Variants in LRRC4C observed in about 807,000 individuals in gnomAD.
The protein encoded by LRRC4C is leucine rich repeat containing 4C.
LRRC4C carries 5 observed loss-of-function variants against 33.6 expected under a neutral mutation model. The observed-to-expected ratio is 0.15, with a 90% confidence interval of 0.08 to 0.31. The LOEUF is 0.31. Among genes scored for constraint, LRRC4C ranks in the 10% least tolerant of loss-of-function variants. The probability of loss-of-function intolerance (pLI) is 1.00; values close to 1 mark genes in which losing one functional copy is unlikely to be tolerated. For synonymous variants in LRRC4C, 329 were observed against 302.0 expected (o/e 1.09, Z -0.93); for missense variants, 560 against 796.7 (o/e 0.70, Z 3.58).
At chr11:40,552,954 G>A (rs1417439882) in intron 3 of LRRC4C, among the ~76,000 whole-genome samples, 3 of 152,110 alleles carry the variant, frequency 2.0e-5, no homozygotes, top group Non-Finnish European at 2.9e-5. Flanking sequence ...CTGAAAATTT[G>A]TTATGCATAT....
intron 5 of LRRC4C, among the ~76,000 whole-genome samples, chr11:40,239,601 C>T (rs543809581): frequency 1.3e-5 from 2 of 152,248 alleles, no homozygotes; most frequent in East Asian, 1.9e-4. Flanking sequence ...TGTAAAGAGA[C>T]AAAAACCAAC....
chr11:41,323,543 C>G (rs1409618536), intron 1 of LRRC4C, among the ~76,000 whole-genome samples: 1 of 152,156 alleles, frequency 6.6e-6, no homozygotes, highest in Non-Finnish European at 1.5e-5. Context: ...TTCCTTTCTT[C>G]CAAATCTGAA....
At chr11:41,291,660 G>T (rs1404263399) in intron 1 of LRRC4C, among the ~76,000 whole-genome samples, 2 of 152,058 alleles carry the variant, frequency 1.3e-5, no homozygotes, top group Non-Finnish European at 2.9e-5. Context: ...CTATACAAAG[G>T]TTCTCCCTAC....
intron 2 of LRRC4C, among the ~76,000 whole-genome samples, chr11:40,811,528 C>A (rs1283234765): frequency 6.6e-6 from 1 of 152,056 alleles, no homozygotes; most frequent in Non-Finnish European, 1.5e-5. Context: ...GATGGATTCT[C>A]TCTCTGTCAG....
chr11:40,610,203 C>T (rs576584157), intron 3 of LRRC4C, among the ~76,000 whole-genome samples: 5 of 151,958 alleles, frequency 3.3e-5, no homozygotes, highest in African/African-American at 9.6e-5. Context: ...GGAATTTTCT[C>T]CTGGAGTACC....
intron 1 of LRRC4C, among the ~76,000 whole-genome samples, chr11:41,014,538 C>A (rs1471650680): frequency 3.4e-5 from 5 of 149,192 alleles, no homozygotes; most frequent in African/African-American, 1.2e-4. Flanking sequence ...TTATTGGATA[C>A]CATGATGTTG....
rs779352891 is a variant in LRRC4C, at chr11:40,336,263, G to GT, written c.-269-16543dup. Among the ~76,000 whole-genome samples, 21 of 152,246 alleles carry GT rather than the reference G, an allele frequency of 1.4e-4. No individual in the cohort carries two copies. The South Asian group carries it at 3.9e-3, about 29-fold the overall frequency. On this transcript the variant is annotated intron_variant, in intron 3 of 6. Coordinates refer to ENST00000528697, the MANE Select transcript of LRRC4C (RefSeq NM_001258419.2). ...ACAGACCGCGGAACTGCATATCCCA[G>GT]TTTTTTCTATGGTGATGTTTGTCCA...
intron 1 of LRRC4C, among the ~76,000 whole-genome samples, chr11:41,101,902 T>C (rs1941210586): frequency 6.6e-6 from 1 of 152,030 alleles, no homozygotes; most frequent in African/African-American, 2.4e-5. Flanking sequence ...AATAGTTCAT[T>C]TTCTCACTTG....
chr11:40,443,260 A>G (rs1289172525), intron 3 of LRRC4C, among the ~76,000 whole-genome samples: 2 of 152,212 alleles, frequency 1.3e-5, no homozygotes, highest in Non-Finnish European at 2.9e-5. Flanking sequence ...GTTGGGAAAG[A>G]CAACACAACT....
chr11:41,089,923 G>A (rs1156729876), intron 1 of LRRC4C, among the ~76,000 whole-genome samples: 1 of 151,836 alleles, frequency 6.6e-6, no homozygotes, highest in Non-Finnish European at 1.5e-5. Context: ...AGTGATCACT[G>A]GGAATTGAAA....
intron 1 of LRRC4C, among the ~76,000 whole-genome samples, chr11:40,977,862 T>C (rs954199887): frequency 1.3e-5 from 2 of 152,190 alleles, no homozygotes; most frequent in African/African-American, 4.8e-5. Flanking sequence ...CAGAATGTCT[T>C]GGGATTCTGA....
At chr11:40,635,896 C>T (rs1171825827) in intron 3 of LRRC4C, among the ~76,000 whole-genome samples, 1 of 152,000 alleles carries the variant, frequency 6.6e-6, no homozygotes, top group Non-Finnish European at 1.5e-5. Context: ...GCCTCGGCCT[C>T]CCAAAGTGCT....
chr11:40,625,153 A>G (rs1962809568), intron 3 of LRRC4C, among the ~76,000 whole-genome samples: 1 of 152,138 alleles, frequency 6.6e-6, no homozygotes, highest in African/African-American at 2.4e-5. Context: ...TGCCATAGCT[A>G]AGATTTTAAC....
At chr11:40,633,371 T>TTTCTTTCTTTCTCTCTC (rs1963658770) in intron 3 of LRRC4C, among the ~76,000 whole-genome samples, 2 of 96,308 alleles carry the variant, frequency 2.1e-5, no homozygotes, top group Non-Finnish European at 4.3e-5. Context: ...CTTTCTTTCT[T>TTTCTTTCTTTCTCTCTC]TCTCTCTCTT....
intron 5 of LRRC4C, among the ~76,000 whole-genome samples, chr11:40,193,409 C>T (rs1328161320): frequency 2.0e-5 from 3 of 152,180 alleles, no homozygotes; most frequent in Non-Finnish European, 4.4e-5. Context: ...ATAGTATCAA[C>T]ATCAACAAAA....
intron 3 of LRRC4C, among the ~76,000 whole-genome samples, chr11:40,393,792 T>C (rs1949430917): frequency 6.6e-6 from 1 of 152,124 alleles, no homozygotes; most frequent in Admixed American, 6.6e-5. Flanking sequence ...GGCTATGCCT[T>C]TTGTCCCCTA....
At chr11:40,305,121 G>A (rs769839310) in intron 4 of LRRC4C, among the ~76,000 whole-genome samples, 3 of 152,104 alleles carry the variant, frequency 2.0e-5, no homozygotes, top group Non-Finnish European at 2.9e-5. Flanking sequence ...GCTCGAATAG[G>A]GCCTTGGCCC....
chr11:40,838,450 G>C lies in LRRC4C; in HGVS notation c.-407+95185C>G, dbSNP rs969702354. Among the ~76,000 whole-genome samples the C allele has an allele frequency of 2.0e-5, 3 of 152,008 alleles. No individual in the cohort carries two copies. In the East Asian group the frequency reaches 5.8e-4, roughly 29 times the overall value. On this transcript the variant is annotated intron_variant, in intron 2 of 6. Coordinates refer to ENST00000528697, the MANE Select transcript of LRRC4C (RefSeq NM_001258419.2). ...ATCTGATTTATCCATTCATCCAAGC[G>C]GTTACCACCTGGAATCTGCTAATGC...
intron 1 of LRRC4C, among the ~76,000 whole-genome samples, chr11:41,120,756 A>G (rs1942382829): frequency 6.6e-6 from 1 of 152,122 alleles, no homozygotes; most frequent in Admixed American, 6.5e-5. Flanking sequence ...CTCATGTTGA[A>G]TTGTAATTAC....
Sources: gnomAD v4.1 joint callset for allele counts (sites outside exome capture counted in the v4.1 genomes callset) on GRCh38, gnomAD v4.1.1 for gene constraint, MANE v1.5 for transcripts, NCBI Gene and HGNC (gene_info 2026-07-23, HGNC 2026-07-21) for gene names.